Variants in XXYLT1 observed in about 807,000 individuals in gnomAD.
XXYLT1 encodes xyloside xylosyltransferase 1, also known as UDP-xylose:alpha-xyloside alpha-1,3-xylosyltransferase.
Under a neutral mutation model 28.9 loss-of-function variants are expected in XXYLT1, and 20 were observed. The observed-to-expected ratio is 0.69, with a 90% CI of 0.49 to 1.00. The LOEUF is 1.00. Ranked by LOEUF, XXYLT1 falls within the 50% of genes least tolerant of loss-of-function variation. The pLI, the probability that XXYLT1 is intolerant of heterozygous loss-of-function variation, is 0.00. For missense variants in XXYLT1, 542 were observed against 560.1 expected, an observed-to-expected ratio of 0.97 and a Z score of 0.33; for synonymous variants, 257 against 253.8, an observed-to-expected ratio of 1.01 and a Z score of -0.12.
At chr3:195,092,430 C>T (rs62290283) in intron 3 of XXYLT1, among the ~76,000 whole-genome samples, 41,451 of 145,744 alleles carry the variant, frequency 0.28, 6,257 homozygotes, top group East Asian at 0.59. Flanking sequence ...TAATGGGGAA[C>T]GGATTCCCTA....
intron 3 of XXYLT1, among the ~76,000 whole-genome samples, chr3:195,094,409 C>A (rs111823622): frequency 1.1e-4 from 17 of 152,330 alleles, no homozygotes; most frequent in African/African-American, 3.6e-4. Flanking sequence ...CCTGCCCACA[C>A]GCATGCAGGC....
chr3:195,223,755 C>A (rs1048511383), intron 2 of XXYLT1, among the ~76,000 whole-genome samples: 1 of 152,002 alleles, frequency 6.6e-6, no homozygotes, highest in Non-Finnish European at 1.5e-5. Flanking sequence ...CAGGACACAC[C>A]CCAGACGCCA....
chr3:195,233,893 A>G (rs12497906), intron 1 of XXYLT1, among the ~76,000 whole-genome samples: 14,748 of 152,076 alleles, frequency 0.097, 1,332 homozygotes, highest in African/African-American at 0.23. Context: ...ATTTCAGACT[A>G]AATAAATCCC....
chr3:195,233,874 C>T (rs548523872), intron 1 of XXYLT1, among the ~76,000 whole-genome samples: 2 of 152,176 alleles, frequency 1.3e-5, no homozygotes, highest in Non-Finnish European at 2.9e-5. Flanking sequence ...TGCTCATTAA[C>T]ATCCTTTTAT....
intron 2 of XXYLT1, among the ~76,000 whole-genome samples, chr3:195,174,969 TA>T (rs1489330732): frequency 6.6e-6 from 1 of 152,158 alleles, no homozygotes; most frequent in Non-Finnish European, 1.5e-5. Flanking sequence ...CATAAGACTG[TA>T]AGCTCCATGA....
intron 2 of XXYLT1, among the ~76,000 whole-genome samples, chr3:195,182,522 T>C (rs1015666892): frequency 6.6e-6 from 1 of 152,170 alleles, no homozygotes; most frequent in African/African-American, 2.4e-5. Flanking sequence ...AGAGCCAGAC[T>C]CACTAGACGA....
chr3:195,183,731 G>A (rs1722055892), intron 2 of XXYLT1: 1 of 152,228 alleles, frequency 6.6e-6, no homozygotes, highest in Admixed American at 6.5e-5. Context: ...GGAAGGGAGT[G>A]AAACTACCAA....
intron 3 of XXYLT1, among the ~76,000 whole-genome samples, chr3:195,106,530 G>A (rs1191238361): frequency 6.6e-6 from 1 of 152,364 alleles, no homozygotes; most frequent in South Asian, 2.1e-4. Context: ...GTGATTCGGG[G>A]CTGCGGTGGG....
intron 3 of XXYLT1, among the ~76,000 whole-genome samples, chr3:195,081,545 A>T (rs1715435194): frequency 6.6e-6 from 1 of 152,026 alleles, no homozygotes. Context: ...CAGTGCACAT[A>T]CAGGTTAAGA....
intron 1 of XXYLT1, among the ~76,000 whole-genome samples, chr3:195,253,728 A>C (rs1412334697): frequency 6.6e-6 from 1 of 151,538 alleles, no homozygotes; most frequent in Non-Finnish European, 1.5e-5. Flanking sequence ...CGAACTCCTG[A>C]CCTCAGGTGA....
intron 2 of XXYLT1, among the ~76,000 whole-genome samples, chr3:195,218,315 G>C (rs1421477859): frequency 6.7e-6 from 1 of 150,016 alleles, no homozygotes; most frequent in Non-Finnish European, 1.5e-5. Context: ...TTGACAAATG[G>C]GATCTAATTA....
intron 2 of XXYLT1, among the ~76,000 whole-genome samples, chr3:195,200,719 A>G (rs1352310134): frequency 1.3e-5 from 2 of 152,190 alleles, no homozygotes; most frequent in African/African-American, 4.8e-5. Flanking sequence ...AGAAGTGCCA[A>G]ACAGGTTTAC....
chr3:195,258,947 T>A (rs1017523392), intron 1 of XXYLT1, among the ~76,000 whole-genome samples: 12 of 152,230 alleles, frequency 7.9e-5, no homozygotes, highest in Non-Finnish European at 1.6e-4. Context: ...ATCAACGGTA[T>A]CAGCATGGTG....
intron 3 of XXYLT1, chr3:195,122,058 T>A (rs1222134114): frequency 1.4e-6 from 1 of 703,052 alleles, no homozygotes; most frequent in Non-Finnish European, 2.6e-6. Flanking sequence ...AAGACCAACG[T>A]GCCCACTGAT....
Position 195,208,904 on chromosome 3 carries a change from A to C in XXYLT1, c.652+17805T>G, listed in dbSNP as rs1205084114. ...GGAGTTTCCTTGAGGTTAGCTCCCA[A>C]ATCAGCTCACAATCAGAAGCTCACT... is the stretch of plus-strand genomic sequence containing the variant. On this transcript the variant is annotated intron_variant, in intron 2 of 3. Coordinates refer to ENST00000310380, the MANE Select transcript of XXYLT1 (RefSeq NM_152531.5). 2.0e-5 allele frequency among the ~76,000 whole-genome samples: 3 copies of C among 152,176 alleles called. No individual in the cohort carries two copies. The South Asian group carries it at 6.2e-4, about 32-fold the overall frequency.
rs979174707 is a variant in XXYLT1, at chr3:195,173,804, C to T, written c.653-17223G>A. 2.0e-5 allele frequency among the ~76,000 whole-genome samples: 3 copies of T among 152,214 alleles called. No individual in the cohort carries two copies. Among genetic ancestry groups the T allele is most frequent in the Non-Finnish European group, 4.4e-5 (3 of 68,030 alleles). On this transcript the variant is annotated intron_variant, in intron 2 of 3. Coordinates refer to ENST00000310380, the MANE Select transcript of XXYLT1 (RefSeq NM_152531.5). The surrounding 1 kb of genome is among the most constrained non-coding windows in gnomAD (Gnocchi z 4.3). ...TCGCTGTCCAGGAGAGCACCCAGCT[C>T]CCACCAGGGAGTCCCTCCTATGGGC...
chr3:195,156,709 C>T, intron 2 of XXYLT1, 128 bp from the exon 3 acceptor site: 1 of 1,244,328 alleles, frequency 8.0e-7, no homozygotes, highest in South Asian at 1.5e-5. Flanking sequence ...GAATGATGCA[C>T]AGTTACCGCT....
intron 3 of XXYLT1, among the ~76,000 whole-genome samples, chr3:195,119,724 A>C (rs1183177046): frequency 6.6e-6 from 1 of 152,188 alleles, no homozygotes. Flanking sequence ...AGTCTCCCGA[A>C]TGCCTCTTTT....
At chr3:195,091,963 A>T (rs1408058802) in intron 3 of XXYLT1, among the ~76,000 whole-genome samples, 1 of 86,096 alleles carries the variant, frequency 1.2e-5, no homozygotes, top group Non-Finnish European at 2.1e-5. Context: ...TAGGAATCCA[A>T]CTTACAAGGG....
Sources: allele counts gnomAD v4.1 joint callset (sites outside exome capture counted in the v4.1 genomes callset), GRCh38; gene constraint gnomAD v4.1.1; non-coding constraint Gnocchi (gnomAD v3.1); transcripts MANE v1.5; gene names NCBI Gene and HGNC (gene_info 2026-07-23, HGNC 2026-07-21).